The following GABRD variants were observed in gnomAD, a reference collection of about 807,000 sequenced individuals.
GABRD encodes gamma-aminobutyric acid receptor subunit delta.
A neutral mutation model predicts 47.3 loss-of-function variants in GABRD; 25 were observed. The ratio of observed to expected loss-of-function variants is 0.53; its 90% CI spans 0.39 to 0.74. GABRD has a LOEUF of 0.74. GABRD is among the 30% of genes least tolerant of loss of function. The pLI is 0.00. For synonymous variants in GABRD, 314 were observed against 278.8 expected (o/e 1.13, Z -1.26); for missense variants, 497 against 643.4 (o/e 0.77, Z 2.46).
rs1658963305 is a variant in GABRD at position 2,027,619 on chromosome 1, C to T, written c.513C>T (p.Tyr171=). The T allele has an allele frequency of 6.2e-7, 1 of 1,613,772 alleles. No homozygotes were observed. The highest frequency in any genetic ancestry group is 8.5e-7 in the Non-Finnish European group (1 of 1,179,978). The change falls in exon 5 of 9, where the codon TAC becomes TAT. Residue 171 remains tyrosine (Y), a synonymous_variant. Coordinates refer to ENST00000378585, the MANE Select transcript of GABRD (RefSeq NM_000815.5). ...TVACDMDLAK[Y]PMDEQECMLD... is the part of the protein sequence containing the mutation. ...CCTGCGACATGGACCTGGCCAAATA[C>T]CCCATGGACGAGCAGGAGTGCATGC...
intron 1 of GABRD, among the ~76,000 whole-genome samples, chr1:2,022,558 C>CT (rs1658809931): frequency 1.3e-5 from 2 of 152,248 alleles, no homozygotes; most frequent in Non-Finnish European, 2.9e-5. Context: ...CCAGGAAGGA[C>CT]GGTGTCTCCT....
At position 2,019,353 on chromosome 1, in the gene GABRD, CCCGCCTGTG is replaced by C. The variant is rs1181430774; in HGVS notation, c.-60_-52del. 1.3e-5 allele frequency: 11 copies of C among 865,412 alleles called. No individual in the cohort carries two copies. In the Admixed American group the frequency reaches 1.9e-4, roughly 15 times the overall value. 53.6% of individuals were successfully genotyped at this position (865,412 alleles called of 1,614,324 possible). ...CCGCGCCGCGCTCGCTCAGCTCCCGCCCGCCTGTGCCGCCTGTGCGGCCGCCGGGAGCCA... is the reference window on the plus strand; with the variant it reads ...CCGCGCCGCGCTCGCTCAGCTCCCGCCCGCCTGTGCGGCCGCCGGGAGCCA... On this transcript the variant is annotated 5_prime_UTR_variant, in exon 1 of 9. Coordinates refer to ENST00000378585, the MANE Select transcript of GABRD (RefSeq NM_000815.5).
At chr1:2,027,719 T>C (rs1299771701) in intron 5 of GABRD, 60 bp downstream of exon 5, 5 of 1,462,068 alleles carry the variant, frequency 3.4e-6, no homozygotes, top group Non-Finnish European at 3.8e-6. Flanking sequence ...GCTCAGACTG[T>C]CAGCCCGGGG....
intron 1 of GABRD, 64 bp from the exon 2 acceptor site, chr1:2,024,878 G>C (rs1658874643): frequency 4.1e-6 from 5 of 1,234,166 alleles, no homozygotes; most frequent in African/African-American, 3.0e-5. Context: ...CCCAGGAAGG[G>C]ACCCAGGCTC....
Position 2,028,384 on chromosome 1 carries a change from G to C in GABRD, c.691+92G>C. On this transcript the variant is annotated intron_variant, in intron 6 of 8. Transcript: ENST00000378585. This position sits in a 1 kb window ranked among gnomAD's most constrained non-coding sequence, Gnocchi z 6.4. ...TCCGCGCGCGCCCACCGCCCCTTCC[G>C]CGTGCGCCCGCCTGTGGTTTTCATG... The C allele has an allele frequency of 1.6e-6, 2 of 1,272,608 alleles. No individual in the cohort carries two copies. The highest frequency in any genetic ancestry group is 2.0e-6 in the Non-Finnish European group (2 of 990,930). 78.8% of individuals were successfully genotyped at this position (1,272,608 alleles called of 1,614,324 possible).
In GABRD at chr1:2,029,704, A is replaced by G. The variant is rs764783225; in HGVS notation, c.1001A>G (p.Asn334Ser). The change falls in exon 8 of 9, where the codon AAC becomes AGC. Residue 334 changes from asparagine to serine, a missense_variant. By Grantham distance (46) the Asn-to-Ser change is conservative (BLOSUM62 1). Coordinates refer to ENST00000378585, the MANE Select transcript of GABRD (RefSeq NM_000815.5). ...ALVEYAFAHF[N>S]ADYRKKQKAK... ...GTGGAGTACGCCTTTGCTCATTTCA[A>G]CGCCGACTACAGGAAGAAGCAGAAG... 11 of 1,613,310 alleles carry G rather than the reference A, an allele frequency of 6.8e-6. No homozygotes were observed. The highest frequency in any genetic ancestry group is 1.6e-4 in the Middle Eastern group (1 of 6,084).
chr1:2,028,360 C>A lies in GABRD; in HGVS notation c.691+68C>A, dbSNP rs1455612369. ...CTTCCGCGCGCGCCCACCGCCCCTT[C>A]CGCGCGCGCCCACCGCCCCTTCCGC... On this transcript the variant is annotated intron_variant, in intron 6 of 8. Coordinates refer to ENST00000378585, the MANE Select transcript of GABRD (RefSeq NM_000815.5). The surrounding 1 kb of genome is among the most constrained non-coding windows in gnomAD (Gnocchi z 6.4). 1 of 1,409,092 alleles carries A rather than the reference C, an allele frequency of 7.1e-7. No homozygotes were observed. The highest frequency in any genetic ancestry group is 9.3e-7 in the Non-Finnish European group (1 of 1,074,798). The allele number at this position is 1,409,092 out of a possible 1,614,324, so 87.3% of individuals were successfully genotyped here. A position where few individuals can be genotyped will look rare whatever the true frequency, so the allele number is the denominator to read the frequency against.
At position 2,028,779 on chromosome 1, in the gene GABRD, G is replaced by A. The variant is rs531962406; in HGVS notation, c.692-332G>A. ...CTCCTTCCAGAGCCTGGCTGTGCCCGCAGGAGTGTTAGGAGAGAAAGGGGT... is the reference window on the plus strand; with the variant it reads ...CTCCTTCCAGAGCCTGGCTGTGCCCACAGGAGTGTTAGGAGAGAAAGGGGT... On this transcript the variant is annotated intron_variant, in intron 6 of 8. Transcript: ENST00000378585. This position sits in a 1 kb window ranked among gnomAD's most constrained non-coding sequence, Gnocchi z 6.4. 5 of 353,282 alleles carry A rather than the reference G, an allele frequency of 1.4e-5. No homozygotes were observed. The highest frequency in any genetic ancestry group is 4.3e-5 in the African/African-American group (2 of 46,572). 21.9% of individuals were successfully genotyped at this position (353,282 alleles called of 1,614,324 possible). A position where few individuals can be genotyped will look rare whatever the true frequency, so the allele number is the denominator to read the frequency against.
In GABRD at chr1:2,028,425, C is replaced by T; in HGVS notation, c.691+133C>T. On this transcript the variant is annotated intron_variant, in intron 6 of 8. Transcript: ENST00000378585. The surrounding 1 kb of genome is among the most constrained non-coding windows in gnomAD (Gnocchi z 6.4). ...GGTTTTCATGCTTTTTAGTCAAGCG[C>T]CCGCAGGCCCCCAGGGCCTCTGGGG... is the stretch of plus-strand genomic sequence containing the variant. 1.0e-6 allele frequency: 1 copy of T among 962,006 alleles called. No individual in the cohort carries two copies. Among genetic ancestry groups the T allele is most frequent in the African/African-American group, 1.8e-5 (1 of 55,888 alleles). 59.6% of individuals were successfully genotyped at this position (962,006 alleles called of 1,614,324 possible). A position where few individuals can be genotyped will look rare whatever the true frequency, so the allele number is the denominator to read the frequency against.
rs1019748078 is a variant in GABRD, at chr1:2,028,881, C to G, written c.692-230C>G. ...GAGGCCAGCAGTAACCTCAGCCTCT[C>G]TCCCTCTCCTCTGGGTGACACTGCT... On this transcript the variant is annotated intron_variant, in intron 6 of 8. Coordinates refer to ENST00000378585, the MANE Select transcript of GABRD (RefSeq NM_000815.5). This position sits in a 1 kb window ranked among gnomAD's most constrained non-coding sequence, Gnocchi z 6.4. 17 of 589,108 alleles carry G rather than the reference C, an allele frequency of 2.9e-5. No individual in the cohort carries two copies. In the South Asian group the frequency reaches 3.8e-4, roughly 13 times the overall value. 36.5% of individuals were successfully genotyped at this position (589,108 alleles called of 1,614,324 possible). A position where few individuals can be genotyped will look rare whatever the true frequency, so the allele number is the denominator to read the frequency against.
At chr1:2,025,114 T>C (rs1227314678) in intron 2 of GABRD, 60 bp downstream of exon 2, 2 of 1,460,126 alleles carry the variant, frequency 1.4e-6, no homozygotes, top group Non-Finnish European at 1.9e-6. Flanking sequence ...AGGCCGTGGC[T>C]GTGTGGCCCA....
Position 2,027,724 on chromosome 1 carries a change from C to T in GABRD, c.553+65C>T, listed in dbSNP as rs3795278. On this transcript the variant is annotated intron_variant, in intron 5 of 8. Transcript: ENST00000378585. ...GTGGATGGGGGCTCAGACTGTCAGC[C>T]CGGGGCCTGGACAAGGCTGGCCCGG... The T allele has an allele frequency of 2.0e-4, 294 of 1,438,380 alleles. 3 individuals are homozygous for T. In the East Asian group the frequency reaches 5.4e-3, roughly 27 times the overall value. The allele number at this position is 1,438,380 out of a possible 1,614,324, so 89.1% of individuals were successfully genotyped here. A position where few individuals can be genotyped will look rare whatever the true frequency, so the allele number is the denominator to read the frequency against.
chr1:2,019,617 G>A (rs1369039472), intron 1 of GABRD, 126 bp downstream of exon 1: 2 of 430,836 alleles, frequency 4.6e-6, no homozygotes, highest in East Asian at 1.0e-4. Flanking sequence ...TGAGAGCCCC[G>A]CGTCCTCCCT....
intron 1 of GABRD, among the ~76,000 whole-genome samples, chr1:2,019,825 C>T (rs918362433): frequency 2.0e-5 from 3 of 152,162 alleles, no homozygotes; most frequent in African/African-American, 7.2e-5. Flanking sequence ...CCCGGGTCCG[C>T]GGCACTCGCG....
At chr1:2,025,790 G>T in intron 4 of GABRD, 52 bp downstream of exon 4, 1 of 1,535,094 alleles carries the variant, frequency 6.5e-7, no homozygotes, top group Non-Finnish European at 9.0e-7. Context: ...CGGGCCAAGC[G>T]TCGGCGCCTG....
chr1:2,020,864 C>G (rs541886426), intron 1 of GABRD, among the ~76,000 whole-genome samples: 1 of 152,342 alleles, frequency 6.6e-6, no homozygotes, highest in African/African-American at 2.4e-5. Flanking sequence ...CTCTTCTCAT[C>G]TTTATTAATC....
intron 1 of GABRD, 122 bp downstream of exon 1, chr1:2,019,613 C>T (rs1658719198): frequency 2.2e-6 from 1 of 461,030 alleles, no homozygotes; most frequent in Non-Finnish European, 3.0e-6. Context: ...AGTCTGAGAG[C>T]CCCGCGTCCT....
rs74765369 is a variant in GABRD, at chr1:2,022,661, G to T, written c.69-2281G>T. 3.2e-3 allele frequency among the ~76,000 whole-genome samples: 481 copies of T among 152,364 alleles called. 4 individuals are homozygous for T. The highest frequency in any genetic ancestry group is 0.011 in the African/African-American group (455 of 41,584). ...TTTGCGTCCGACCTTCAAGGCAACT[G>T]CCATTTGCATTTTTAATTGGCCGGG... On this transcript the variant is annotated intron_variant, in intron 1 of 8. Coordinates refer to ENST00000378585, the MANE Select transcript of GABRD (RefSeq NM_000815.5).
rs1659063125 is a variant in GABRD at position 2,030,571 on chromosome 1, G to A, written c.*289G>A. ...CAGGCCGGGGTCTGGGCCCTTCAGG[G>A]AGCCGCGGATTTTTATGTTCAGAAA... On this transcript the variant is annotated 3_prime_UTR_variant, in exon 9 of 9. Coordinates refer to ENST00000378585, the MANE Select transcript of GABRD (RefSeq NM_000815.5). 1 of 341,014 alleles carries A rather than the reference G, an allele frequency of 2.9e-6. No homozygotes were observed. Among genetic ancestry groups the A allele is most frequent in the Non-Finnish European group, 5.3e-6 (1 of 188,910 alleles). The allele number at this position is 341,014 out of a possible 1,614,324, so 21.1% of individuals were successfully genotyped here.
Sources: allele counts gnomAD v4.1 joint callset (sites outside exome capture counted in the v4.1 genomes callset), GRCh38; gene constraint gnomAD v4.1.1; non-coding constraint Gnocchi (gnomAD v3.1); transcripts MANE v1.5; gene names NCBI Gene and HGNC (gene_info 2026-07-23, HGNC 2026-07-21).